The following KIAA0753 variants were observed in gnomAD, a reference collection of about 807,000 sequenced individuals.
KIAA0753 encodes protein moonraker.
Under a neutral mutation model 116.9 loss-of-function variants are expected in KIAA0753, and 114 were observed. That is an observed-to-expected ratio of 0.98 (90% CI 0.84 to 1.14). The LOEUF is 1.14. Among genes scored for constraint, KIAA0753 ranks in the 50% most tolerant of loss-of-function variants. The probability of loss-of-function intolerance (pLI) is 0.00; values close to 1 mark genes in which losing one functional copy is unlikely to be tolerated. For synonymous variants in KIAA0753, 405 were observed against 413.1 expected, an observed-to-expected ratio of 0.98 and a Z score of 0.24; for missense variants, 1,156 against 1,172.4, an observed-to-expected ratio of 0.99 and a Z score of 0.20.
chr17:6,597,989 TAAC>T (rs1969596201), intron 14 of KIAA0753, among the ~76,000 whole-genome samples: 1 of 152,256 alleles, frequency 6.6e-6, no homozygotes, highest in Non-Finnish European at 1.5e-5. Flanking sequence ...AGCTGCTATT[TAAC>T]AACAGCCCAG....
intron 7 of KIAA0753, among the ~76,000 whole-genome samples, chr17:6,614,502 A>AT (rs1970750282): frequency 9.4e-6 from 1 of 106,836 alleles, no homozygotes; most frequent in Non-Finnish European, 2.1e-5. Flanking sequence ...CCTTACAAGC[A>AT]TAAGTGGGGG....
At position 6,608,356 on chromosome 17, in the gene KIAA0753, T is replaced by C. The variant is rs752727104; in HGVS notation, c.1821A>G (p.Glu607=). ...AAAATACCAGCACAAACCTGGCTGCTTCATGCTCAACAGCACCTGTCAGGT... is the reference window on the plus strand; with the variant it reads ...AAAATACCAGCACAAACCTGGCTGCCTCATGCTCAACAGCACCTGTCAGGT... ...ESHLTGAVEH[E]AARLAWLDAE... The change falls in exon 10 of 19, where the codon GAA becomes GAG. Residue 607 remains glutamate, a synonymous_variant. Coordinates refer to ENST00000361413, the MANE Select transcript of KIAA0753 (RefSeq NM_014804.3). 1.4e-6 allele frequency: 2 copies of C among 1,465,922 alleles called. No individual in the cohort carries two copies. The highest frequency in any genetic ancestry group is 1.8e-6 in the Non-Finnish European group (2 of 1,095,142). 90.8% of individuals were successfully genotyped at this position (1,465,922 alleles called of 1,614,324 possible). A position where few individuals can be genotyped will look rare whatever the true frequency, so the allele number is the denominator to read the frequency against.
At chr17:6,591,050 GA>G in intron 16 of KIAA0753, among the ~76,000 whole-genome samples, 1 of 27,548 alleles carries the variant, frequency 3.6e-5, no homozygotes, top group Non-Finnish European at 8.7e-5. Context: ...GGAAGAAGAA[GA>G]AGAAGAAGAA....
chr17:6,584,719 G>A (rs948819121), intron 18 of KIAA0753, among the ~76,000 whole-genome samples: 10 of 152,140 alleles, frequency 6.6e-5, no homozygotes, highest in Non-Finnish European at 1.3e-4. Flanking sequence ...GAAGTTCCAC[G>A]GTAGAGTCTA....
chr17:6,599,843 CA>C (rs1189983532), intron 13 of KIAA0753, among the ~76,000 whole-genome samples: 5 of 152,222 alleles, frequency 3.3e-5, no homozygotes, highest in African/African-American at 1.2e-4. Flanking sequence ...CTCATCTAGT[CA>C]TACACACAAG....
At chr17:6,630,759 G>A (rs930799252) in intron 2 of KIAA0753, among the ~76,000 whole-genome samples, 13 of 152,184 alleles carry the variant, frequency 8.5e-5, no homozygotes, top group Non-Finnish European at 1.8e-4. Flanking sequence ...AAATGAGGAA[G>A]ATCTCTGTGA....
chr17:6,598,436 T>C (rs927790993), intron 14 of KIAA0753, among the ~76,000 whole-genome samples: 1 of 152,178 alleles, frequency 6.6e-6, no homozygotes, highest in African/African-American at 2.4e-5. Context: ...ATAATCAGAA[T>C]AGGGACACAT....
intron 11 of KIAA0753, 51 bp downstream of exon 11, chr17:6,607,130 G>T: frequency 6.9e-7 from 1 of 1,438,954 alleles, no homozygotes; most frequent in Non-Finnish European, 9.8e-7. Flanking sequence ...AATGTATAGA[G>T]ATGTAGAATA....
At chr17:6,616,924 T>G (rs1970973414) in intron 7 of KIAA0753, among the ~76,000 whole-genome samples, 1 of 152,170 alleles carries the variant, frequency 6.6e-6, no homozygotes, top group African/African-American at 2.4e-5. Context: ...GGTCCAAGTT[T>G]CCCCCCTTTG....
intron 14 of KIAA0753, among the ~76,000 whole-genome samples, chr17:6,597,843 T>C (rs1324062013): frequency 6.6e-6 from 1 of 152,268 alleles, no homozygotes; most frequent in African/African-American, 2.4e-5. Context: ...CCAGGTCTTT[T>C]ATAAGTTAAC....
chr17:6,634,334 C>A (rs868782863), intron 2 of KIAA0753, among the ~76,000 whole-genome samples: 2 of 152,122 alleles, frequency 1.3e-5, no homozygotes, highest in East Asian at 3.8e-4. Flanking sequence ...GAACTCCTGA[C>A]CTCTGGTGAT....
In KIAA0753 at chr17:6,579,313, C is replaced by A; in HGVS notation, c.*434G>T. The A allele has an allele frequency of 6.3e-6, 1 of 158,258 alleles. No individual in the cohort carries two copies. Among genetic ancestry groups the A allele is most frequent in the East Asian group, 1.8e-4 (1 of 5,592 alleles). The allele number at this position is 158,258 out of a possible 1,614,324, so 9.8% of individuals were successfully genotyped here. On this transcript the variant is annotated 3_prime_UTR_variant, in exon 19 of 19. Coordinates refer to ENST00000361413, the MANE Select transcript of KIAA0753 (RefSeq NM_014804.3). ...CGCCAAAGATGCAAAACAGGGGCCC[C>A]GTGATGGGACCAGCTAGTAGCCGCA... is the stretch of plus-strand genomic sequence containing the variant.
At chr17:6,628,095 T>A in intron 3 of KIAA0753, 22 bp downstream of exon 3, 1 of 1,596,972 alleles carries the variant, frequency 6.3e-7, no homozygotes, top group Non-Finnish European at 8.5e-7. Flanking sequence ...TAGGTCGAAG[T>A]AAAGAATCTA....
chr17:6,615,324 G>A (rs1000550813), intron 7 of KIAA0753, among the ~76,000 whole-genome samples: 1 of 152,050 alleles, frequency 6.6e-6, no homozygotes, highest in East Asian at 1.9e-4. Context: ...CAACTGTCTC[G>A]TATCAAACTG....
intron 18 of KIAA0753, among the ~76,000 whole-genome samples, chr17:6,583,967 G>A (rs1420149698): frequency 6.6e-6 from 1 of 152,198 alleles, no homozygotes; most frequent in Non-Finnish European, 1.5e-5. Flanking sequence ...TCTAATGCAT[G>A]GTGCCTGTGG....
At chr17:6,581,857 T>C (rs1968203290) in intron 18 of KIAA0753, among the ~76,000 whole-genome samples, 1 of 152,250 alleles carries the variant, frequency 6.6e-6, no homozygotes, top group African/African-American at 2.4e-5. Context: ...ACTTCCTTTC[T>C]AGCACAGTAT....
intron 7 of KIAA0753, among the ~76,000 whole-genome samples, chr17:6,618,986 C>T (rs928505168): frequency 1.3e-5 from 2 of 152,024 alleles, no homozygotes; most frequent in Non-Finnish European, 1.5e-5. Flanking sequence ...CCCAGCACTT[C>T]GGAAGGCTAA....
At chr17:6,591,196 T>C (rs1027415519) in intron 16 of KIAA0753, among the ~76,000 whole-genome samples, 2 of 152,376 alleles carry the variant, frequency 1.3e-5, no homozygotes, top group African/African-American at 4.8e-5. Context: ...GTCAAAACAT[T>C]AATTTATTAA....
rs570136474 is a variant in KIAA0753 at position 6,593,609 on chromosome 17, C to A, written c.2440+1363G>T. On this transcript the variant is annotated intron_variant, in intron 16 of 18. Transcript: ENST00000361413. ...CTGGAATCCCAGCACTTCAGGAGGCCAGGCGCAATGGCTCACACCTGGAAT... is the reference window on the plus strand; with the variant it reads ...CTGGAATCCCAGCACTTCAGGAGGCAAGGCGCAATGGCTCACACCTGGAAT... Among the ~76,000 whole-genome samples, 639 of 151,302 alleles carry A rather than the reference C, an allele frequency of 4.2e-3. 4 individuals carry two copies. Among genetic ancestry groups the A allele is most frequent in the African/African-American group, 0.015 (611 of 41,028 alleles).
Sources: allele counts gnomAD v4.1 joint callset (sites outside exome capture counted in the v4.1 genomes callset), GRCh38; gene constraint gnomAD v4.1.1; transcripts MANE v1.5; gene names NCBI Gene and HGNC (gene_info 2026-07-23, HGNC 2026-07-21).